Variants in TBC1D25 observed in about 807,000 individuals in gnomAD.
TBC1D25 encodes the protein TBC1 domain family member 25, also known as 5SN3 snoRNA.
TBC1D25 carries 13 observed loss-of-function variants against 38.8 expected under a neutral mutation model. The observed-to-expected ratio is 0.34, with a 90% CI of 0.22 to 0.53. The LOEUF (loss-of-function observed/expected upper bound fraction) is 0.53. Among genes scored for constraint, TBC1D25 ranks in the 20% least tolerant of loss-of-function variants. TBC1D25 has a pLI of 0.94. For synonymous variants in TBC1D25, 225 were observed against 255.6 expected (o/e 0.88, Z 1.14); for missense variants, 372 against 600.0 (o/e 0.62, Z 3.97).
chrX:48,556,540 G>A (rs1014317713), intron 3 of TBC1D25, among the ~76,000 whole-genome samples: 15 of 110,083 alleles, frequency 1.4e-4, no homozygotes, highest in Admixed American at 5.9e-4. Context: ...TGGATCACCT[G>A]AGGTCAGGAG....
intron 3 of TBC1D25, among the ~76,000 whole-genome samples, chrX:48,546,627 G>A (rs1279762093): frequency 8.9e-6 from 1 of 112,235 alleles, no homozygotes; most frequent in South Asian, 3.7e-4. Flanking sequence ...GATCACATTG[G>A]TAATTAAATT....
At chrX:48,550,808 C>T (rs1187562092) in intron 3 of TBC1D25, among the ~76,000 whole-genome samples, 4 of 110,622 alleles carry the variant, frequency 3.6e-5, no homozygotes, top group Admixed American at 9.7e-5. Flanking sequence ...CACAGGCGCT[C>T]GCCACCACGC....
chrX:48,541,278 T>G (rs41312120), intron 1 of TBC1D25, 55 bp from the exon 2 acceptor site: 79,283 of 1,076,534 alleles, frequency 0.074, 2,278 homozygotes, highest in Middle Eastern at 0.16. Flanking sequence ...TGCACCTCAC[T>G]CTTCAGCATG....
chrX:48,561,032 G>A lies in TBC1D25; in HGVS notation c.*57G>A, dbSNP rs1305994290. 3.6e-6 allele frequency: 4 copies of A among 1,114,637 alleles called. No individual in the cohort carries two copies. The highest frequency in any genetic ancestry group is 4.7e-6 in the Non-Finnish European group (4 of 845,608). The allele number at this position is 1,114,637 out of a possible 1,213,427, so 91.9% of individuals were successfully genotyped here. A position where few individuals can be genotyped will look rare whatever the true frequency, so the allele number is the denominator to read the frequency against. ...CCAGATCTCCATTCTTTGCCATGAG[G>A]GCCAACACATGAGACCCCACCTCCC... On this transcript the variant is annotated 3_prime_UTR_variant, in exon 6 of 6. Coordinates refer to ENST00000376771, the MANE Select transcript of TBC1D25 (RefSeq NM_002536.4).
intron 3 of TBC1D25, among the ~76,000 whole-genome samples, chrX:48,554,420 C>A (rs541410604): frequency 2.8e-5 from 3 of 105,723 alleles, no homozygotes; most frequent in African/African-American, 1.0e-4. Flanking sequence ...ATTAGCCGGG[C>A]GTGGTGGTAT....
chrX:48,559,559 T>G, intron 5 of TBC1D25, 55 bp from the exon 6 acceptor site: 1 of 1,173,572 alleles, frequency 8.5e-7, no homozygotes, highest in Non-Finnish European at 1.1e-6. Flanking sequence ...CTGATAGACA[T>G]TGGGGTATGG....
intron 3 of TBC1D25, among the ~76,000 whole-genome samples, chrX:48,554,591 T>TG (rs1311258132): frequency 4.6e-4 from 48 of 104,548 alleles, no homozygotes; most frequent in African/African-American, 1.6e-3. Flanking sequence ...ATAGGGTTGG[T>TG]GGGGGGCCTG....
At position 48,561,564 on chromosome X, in the gene TBC1D25, G is replaced by C. The variant is rs943571486; in HGVS notation, c.*589G>C. ...ATTCTTTACTGAGATTGGGAAGTAT[G>C]GGCTACTTAGAAACGTTGGAGCAGC... On this transcript the variant is annotated 3_prime_UTR_variant, in exon 6 of 6. Coordinates refer to ENST00000376771, the MANE Select transcript of TBC1D25 (RefSeq NM_002536.4). 1 of 112,299 alleles carries C rather than the reference G, an allele frequency of 8.9e-6. No individual in the cohort carries two copies. Among genetic ancestry groups the C allele is most frequent in the Admixed American group, 9.5e-5 (1 of 10,534 alleles). 9.3% of individuals were successfully genotyped at this position (112,299 alleles called of 1,213,427 possible).
At chrX:48,552,808 G>C (rs1372592143) in intron 3 of TBC1D25, among the ~76,000 whole-genome samples, 3 of 88,447 alleles carry the variant, frequency 3.4e-5, no homozygotes, top group Non-Finnish European at 6.7e-5. Flanking sequence ...TTTTTTTTTT[G>C]AGATGGAGTC....
At chrX:48,553,468 G>A (rs1249891453) in intron 3 of TBC1D25, among the ~76,000 whole-genome samples, 3 of 108,660 alleles carry the variant, frequency 2.8e-5, no homozygotes, top group Non-Finnish European at 5.7e-5. Context: ...TGGATCTCAG[G>A]TCTTTCTTCT....
In TBC1D25 at chrX:48,558,973, G is replaced by A. The variant is rs782794643; in HGVS notation, c.465G>A (p.Arg155=). 2 of 1,211,813 alleles carry A rather than the reference G, an allele frequency of 1.7e-6. No individual in the cohort carries two copies. The highest frequency in any genetic ancestry group is 2.2e-6 in the Non-Finnish European group (2 of 895,562). ...IGSDVLLAEK[R]SSLTTAALPF... is the part of the protein sequence containing the mutation. Reference sequence around the variant, plus strand: ...CCGACGTGTTGCTGGCTGAGAAACGGTCATCACTGACGACTGCCGCCCTGC... The same window carrying A: ...CCGACGTGTTGCTGGCTGAGAAACGATCATCACTGACGACTGCCGCCCTGC... Residue 155 remains arginine, a synonymous_variant, in exon 4 of 6, where the codon CGG becomes CGA. Transcript: ENST00000376771.
chrX:48,553,720 G>A (rs66486773), intron 3 of TBC1D25, among the ~76,000 whole-genome samples: 29,457 of 100,786 alleles, frequency 0.29, 3,700 homozygotes, highest in East Asian at 0.44. Flanking sequence ...AGGTTCAAGC[G>A]ATCCTCCCAC....
rs782742616 is a variant in TBC1D25, at chrX:48,560,707, T to C, written c.1799T>C (p.Val600Ala). The C allele has an allele frequency of 8.3e-7, 1 of 1,210,559 alleles. No individual in the cohort carries two copies. Among genetic ancestry groups the C allele is most frequent in the South Asian group, 1.8e-5 (1 of 56,873 alleles). The change falls in exon 6 of 6, where the codon GTA becomes GCA. Residue 600 changes from valine (V) to alanine (A), a missense_variant. Val to Ala is a moderately conservative substitution (Grantham distance 64). This residue lies in a region of TBC1D25 where 312 missense variants were observed against 549.3 expected (regional missense o/e 0.57). Coordinates refer to ENST00000376771, the MANE Select transcript of TBC1D25 (RefSeq NM_002536.4). ...PKDPGKSLPP[V>A]PPMGLPPPQE... The stretch of plus-strand genomic sequence containing the variant: ...GACCCTGGAAAGTCCCTGCCACCTG[T>C]ACCACCAATGGGCCTGCCCCCACCC...
In TBC1D25 at chrX:48,559,794, G is replaced by A; in HGVS notation, c.886G>A (p.Asp296Asn). The change falls in exon 6 of 6, where the codon GAC becomes AAC. Residue 296 changes from aspartate (D) to asparagine (N), a missense_variant. Physicochemically the swap from Asp to Asn is conservative, Grantham distance 23. This residue lies in a region of TBC1D25 where 312 missense variants were observed against 549.3 expected (regional missense o/e 0.57). Transcript: ENST00000376771. ...STVLKDVLRT[D>N]RAHPYYAGPE... ...GGTCCTCAAGGATGTACTGCGCACT[G>A]ACCGGGCCCACCCCTACTATGCGGG... The A allele has an allele frequency of 8.3e-7, 1 of 1,211,955 alleles. No individual in the cohort carries two copies. Among genetic ancestry groups the A allele is most frequent in the Non-Finnish European group, 1.1e-6 (1 of 895,547 alleles).
At chrX:48,543,305 C>T (rs1390855166) in intron 2 of TBC1D25, among the ~76,000 whole-genome samples, 1 of 109,248 alleles carries the variant, frequency 9.2e-6, no homozygotes, top group African/African-American at 3.3e-5. Flanking sequence ...GGTGTGATCT[C>T]GTCTCATTGC....
intron 3 of TBC1D25, among the ~76,000 whole-genome samples, chrX:48,549,082 C>T (rs782073968): frequency 8.9e-6 from 1 of 112,678 alleles, no homozygotes; most frequent in Non-Finnish European, 1.9e-5. Flanking sequence ...CTCTCTTTGT[C>T]ACCAAGGCTG....
In TBC1D25 at chrX:48,551,487, C is replaced by T. The variant is rs781893546; in HGVS notation, c.388+6464C>T. ...AGATTACAGGCACGCGCCACCACGC[C>T]CAGCTAATTTTTGTATTTTTAGTAG... On this transcript the variant is annotated intron_variant, in intron 3 of 5. Transcript: ENST00000376771. Among the ~76,000 whole-genome samples the T allele has an allele frequency of 2.7e-5, 3 of 110,283 alleles. No individual in the cohort carries two copies. The East Asian group carries it at 8.6e-4, about 31-fold the overall frequency.
rs2062018658 is a variant in TBC1D25, at chrX:48,560,797, G to A, written c.1889G>A (p.Arg630His). The change falls in exon 6 of 6, where the codon CGC becomes CAC. Residue 630 changes from arginine to histidine, a missense_variant. Around this residue, in one of 2 missense-constraint regions of TBC1D25, gnomAD observed 312 missense variants for 549.3 expected, o/e 0.57. Transcript: ENST00000376771. ...FLCLAILLEH[R>H]DHIMRNGLDY... The stretch of plus-strand genomic sequence containing the variant: ...TGCCTGGCCATCCTGCTGGAGCACC[G>A]CGACCACATCATGCGCAATGGGCTG... The A allele has an allele frequency of 2.5e-6, 3 of 1,211,978 alleles. No individual in the cohort carries two copies. The highest frequency in any genetic ancestry group is 3.4e-6 in the Non-Finnish European group (3 of 895,386).
At position 48,561,196 on chromosome X, in the gene TBC1D25, T is replaced by A; in HGVS notation, c.*221T>A. ...TTTCTGTTGTTTTGTTTTTAACAAC[T>A]ATACTTTGCACACATGAAGGTCACT... On this transcript the variant is annotated 3_prime_UTR_variant, in exon 6 of 6. Coordinates refer to ENST00000376771, the MANE Select transcript of TBC1D25 (RefSeq NM_002536.4). 2.5e-6 allele frequency: 1 copy of A among 401,811 alleles called. No individual in the cohort carries two copies. The highest frequency in any genetic ancestry group is 4.2e-6 in the Non-Finnish European group (1 of 239,034). 33.1% of individuals were successfully genotyped at this position (401,811 alleles called of 1,213,427 possible). A position where few individuals can be genotyped will look rare whatever the true frequency, so the allele number is the denominator to read the frequency against.
Sources: allele counts gnomAD v4.1 joint callset (sites outside exome capture counted in the v4.1 genomes callset), GRCh38; gene constraint gnomAD v4.1.1; regional missense constraint gnomAD v4.1.1; transcripts MANE v1.5; gene names NCBI Gene and HGNC (gene_info 2026-07-23, HGNC 2026-07-21).